HPCAL1: variants seen among roughly 807,000 people sequenced by gnomAD.
HPCAL1 encodes the protein hippocalcin like 1, also known as hippocalcin-like protein 1.
Under a neutral mutation model 17.1 loss-of-function variants are expected in HPCAL1, and 8 were observed. That is an observed-to-expected ratio of 0.47 (90% CI 0.27 to 0.84). The LOEUF (loss-of-function observed/expected upper bound fraction) is 0.84, where lower values mean the gene tolerates loss of function less well. HPCAL1 is among the 40% of genes least tolerant of loss of function. The probability of loss-of-function intolerance (pLI) is 0.13; values close to 1 mark genes in which losing one functional copy is unlikely to be tolerated. For missense variants in HPCAL1, 165 were observed against 271.1 expected (o/e 0.61, Z 2.75); for synonymous variants, 112 against 111.4 (o/e 1.01, Z -0.03).
chr2:10,378,274 T>A (rs1479717109), intron 1 of HPCAL1, among the ~76,000 whole-genome samples: 1 of 145,414 alleles, frequency 6.9e-6, no homozygotes, highest in African/African-American at 2.5e-5. Context: ...GGTGTGGGAC[T>A]CGTTTGCACA....
rs576848407 is a variant in HPCAL1 at position 10,365,626 on chromosome 2, C to T, written c.-110-31209C>T. 4.6e-5 allele frequency among the ~76,000 whole-genome samples: 7 copies of T among 152,270 alleles called. No homozygotes were observed. Among genetic ancestry groups the T allele is most frequent in the African/African-American group, 1.7e-4 (7 of 41,538 alleles). ...CAACCCCCGACCGCACACCTCCCTC[C>T]CCCTTAGCTGCTTCGAAGCCAAAGG... is the stretch of plus-strand genomic sequence containing the variant. On this transcript the variant is annotated intron_variant, in intron 1 of 4. Transcript: ENST00000307845. The surrounding 1 kb of genome is among the most constrained non-coding windows in gnomAD (Gnocchi z 4.8).
At chr2:10,418,288 G>A (rs985321446) in intron 2 of HPCAL1, among the ~76,000 whole-genome samples, 1 of 137,470 alleles carries the variant, frequency 7.3e-6, no homozygotes, top group African/African-American at 2.5e-5. Flanking sequence ...TAAATAAATA[G>A]CCAGGTGTGG....
rs1664264369 is a variant in HPCAL1, at chr2:10,330,105, G to C, written c.-111+26928G>C. ...TTGATTTTTTTTTTTTTTCCTTTTA[G>C]AGACTATGCACAATTTATGTGGCAA... is the stretch of plus-strand genomic sequence containing the variant. On this transcript the variant is annotated intron_variant, in intron 1 of 4. Transcript: ENST00000307845. This position sits in a 1 kb window ranked among gnomAD's most constrained non-coding sequence, Gnocchi z 4.2. 6.7e-6 allele frequency: 1 copy of C among 148,374 alleles called. No homozygotes were observed. The highest frequency in any genetic ancestry group is 6.7e-5 in the Admixed American group (1 of 14,958). The allele number at this position is 148,374 out of a possible 1,614,324, so 9.2% of individuals were successfully genotyped here.
chr2:10,426,590 C>A, intron 4 of HPCAL1, 134 bp from the exon 5 acceptor site: 1 of 731,298 alleles, frequency 1.4e-6, no homozygotes, highest in South Asian at 1.6e-5. Flanking sequence ...GGAGACTAGA[C>A]ACCGTCCAGC....
chr2:10,347,016 T>G lies in HPCAL1; in HGVS notation c.-111+43839T>G, dbSNP rs1007710846. Among the ~76,000 whole-genome samples, 3 of 129,530 alleles carry G rather than the reference T, an allele frequency of 2.3e-5. No homozygotes were observed. The Admixed American group carries it at 2.9e-4, about 13-fold the overall frequency. 85.0% of individuals were successfully genotyped at this position (129,530 alleles called of 152,430 possible). A position where few individuals can be genotyped will look rare whatever the true frequency, so the allele number is the denominator to read the frequency against. ...TATTTGTTTGCAGAGTGGTGCGAACTGTTTTCATCCTCAGAGGAGCAGAGT... is the reference window on the plus strand; with the variant it reads ...TATTTGTTTGCAGAGTGGTGCGAACGGTTTTCATCCTCAGAGGAGCAGAGT... On this transcript the variant is annotated intron_variant, in intron 1 of 4. Transcript: ENST00000307845.
chr2:10,397,668 C>A (rs1669144124), intron 2 of HPCAL1, among the ~76,000 whole-genome samples: 1 of 152,196 alleles, frequency 6.6e-6, no homozygotes, highest in Non-Finnish European at 1.5e-5. Context: ...CTTCCTGGCC[C>A]TGCCTGAGCT....
intron 1 of HPCAL1, among the ~76,000 whole-genome samples, chr2:10,372,932 T>C (rs1244102036): frequency 6.6e-6 from 1 of 152,182 alleles, no homozygotes; most frequent in African/African-American, 2.4e-5. Context: ...CTGGCCTCCA[T>C]GACTTCAGCC....
chr2:10,418,885 C>G (rs1237867175), intron 2 of HPCAL1, among the ~76,000 whole-genome samples: 1 of 152,150 alleles, frequency 6.6e-6, no homozygotes, highest in Non-Finnish European at 1.5e-5. Context: ...CCAGATCCTC[C>G]TCCCACCCGG....
Position 10,399,557 on chromosome 2 carries a change from TACCGCCACCGCCACCACCACCGCC to T in HPCAL1, c.-25+2659_-25+2682del, listed in dbSNP as rs1423598208. Among the ~76,000 whole-genome samples the T allele has an allele frequency of 5.5e-4, 46 of 84,242 alleles. 2 individuals carry two copies. The highest frequency in any genetic ancestry group is 1.6e-3 in the African/African-American group (35 of 21,834). The allele number at this position is 84,242 out of a possible 152,430, so 55.3% of individuals were successfully genotyped here. ...CCACCGCCACCATCACCGCCACCAC[TACCGCCACCGCCACCACCACCGCC>T]ACCGCCACCGCCACCACCACCACCA... is the stretch of plus-strand genomic sequence containing the variant. On this transcript the variant is annotated intron_variant, in intron 2 of 4. Coordinates refer to ENST00000307845, the MANE Select transcript of HPCAL1 (RefSeq NM_002149.4).
At chr2:10,380,813 C>T (rs767268411) in intron 1 of HPCAL1, among the ~76,000 whole-genome samples, 1 of 152,196 alleles carries the variant, frequency 6.6e-6, no homozygotes, top group Non-Finnish European at 1.5e-5. Flanking sequence ...TATCATTGGC[C>T]GCAAAATCTC....
Position 10,304,791 on chromosome 2 carries a change from A to G in HPCAL1, c.-111+1614A>G, listed in dbSNP as rs1003098618. Among the ~76,000 whole-genome samples the G allele has an allele frequency of 6.6e-6, 1 of 152,094 alleles. No homozygotes were observed. Among genetic ancestry groups the G allele is most frequent in the Non-Finnish European group, 1.5e-5 (1 of 68,026 alleles). On this transcript the variant is annotated intron_variant, in intron 1 of 4. Transcript: ENST00000307845. This position sits in a 1 kb window ranked among gnomAD's most constrained non-coding sequence, Gnocchi z 4.1. ...CTTGGTGTCTTTCTCTGGGGGAAAA[A>G]AATCGCCTTTAACCAAGGGAGCCAA...
chr2:10,328,614 C>T (rs188433744), intron 1 of HPCAL1, among the ~76,000 whole-genome samples: 8 of 152,238 alleles, frequency 5.3e-5, no homozygotes, highest in Admixed American at 1.3e-4. Context: ...ATGGAGCTCC[C>T]GGTTCTCAGG....
intron 1 of HPCAL1, among the ~76,000 whole-genome samples, chr2:10,336,093 G>A (rs1664702761): frequency 6.9e-6 from 1 of 145,808 alleles, no homozygotes; most frequent in African/African-American, 2.6e-5. Flanking sequence ...TTAATTGCAT[G>A]TGCGTATCTT....
intron 1 of HPCAL1, among the ~76,000 whole-genome samples, chr2:10,338,803 T>C (rs988847332): frequency 3.9e-5 from 6 of 152,134 alleles, no homozygotes; most frequent in African/African-American, 1.4e-4. Flanking sequence ...CTCCACTTGA[T>C]AGAGGAAAAA....
At position 10,419,833 on chromosome 2, in the gene HPCAL1, G is replaced by C; in HGVS notation, c.76G>C (p.Glu26Gln). Residue 26 changes from glutamate (E) to glutamine (Q), a missense_variant, in exon 3 of 5, where the codon GAG becomes CAG. By Grantham distance (29) the Glu-to-Gln change is conservative (BLOSUM62 2). Transcript: ENST00000307845. This position sits in a 1 kb window ranked among gnomAD's most constrained non-coding sequence, Gnocchi z 5.0. ...LRENTEFTDH[E>Q]LQEWYKGFLK... is the part of the protein sequence containing the mutation. ...GGAGAACACGGAGTTCACCGACCAC[G>C]AGCTGCAGGAGTGGTACAAGGGCTT... 1 of 1,613,722 alleles carries C rather than the reference G, an allele frequency of 6.2e-7. No individual in the cohort carries two copies. Among genetic ancestry groups the C allele is most frequent in the Non-Finnish European group, 8.5e-7 (1 of 1,179,938 alleles).
chr2:10,423,453 T>G, intron 4 of HPCAL1: 1 of 223,798 alleles, frequency 4.5e-6, no homozygotes, highest in Non-Finnish European at 9.2e-6. Context: ...TCCCAGATGT[T>G]GGGGTCCTGG....
intron 1 of HPCAL1, among the ~76,000 whole-genome samples, chr2:10,312,856 C>T (rs1663079000): frequency 6.6e-6 from 1 of 151,806 alleles, no homozygotes; most frequent in African/African-American, 2.4e-5. Context: ...GTCATTATCA[C>T]CATCATCATC....
intron 1 of HPCAL1, among the ~76,000 whole-genome samples, chr2:10,364,963 G>C (rs1240910366): frequency 6.6e-6 from 1 of 152,164 alleles, no homozygotes; most frequent in Admixed American, 6.5e-5. Context: ...CCTGTCCACT[G>C]TGGGGCCTTC....
chr2:10,327,105 A>G (rs1230170407), intron 1 of HPCAL1, among the ~76,000 whole-genome samples: 6 of 152,140 alleles, frequency 3.9e-5, no homozygotes, highest in Admixed American at 2.6e-4. Flanking sequence ...GTGCCTCTTC[A>G]CTGCAGCATC....
Sources: gnomAD v4.1 joint callset for allele counts (sites outside exome capture counted in the v4.1 genomes callset) on GRCh38, gnomAD v4.1.1 for gene constraint, Gnocchi (gnomAD v3.1) non-coding constraint, MANE v1.5 for transcripts, NCBI Gene and HGNC (gene_info 2026-07-23, HGNC 2026-07-21) for gene names.